Variants in SPOCK1 observed in about 807,000 individuals in gnomAD.
SPOCK1 encodes the protein SPARC (osteonectin), cwcv and kazal like domains proteoglycan 1.
A neutral mutation model predicts 55.3 loss-of-function variants in SPOCK1; 23 were observed. That is an observed-to-expected ratio of 0.42 (90% CI 0.30 to 0.59). The LOEUF is 0.59. SPOCK1 is among the 20% of genes least tolerant of loss of function. SPOCK1 has a pLI of 0.22. For synonymous variants in SPOCK1, 226 were observed against 221.0 expected, an observed-to-expected ratio of 1.02 and a Z score of -0.20; for missense variants, 499 against 552.5, an observed-to-expected ratio of 0.90 and a Z score of 0.97.
chr5:137,041,664 A>T (rs1752000727), intron 6 of SPOCK1, among the ~76,000 whole-genome samples: 1 of 152,314 alleles, frequency 6.6e-6, no homozygotes, highest in Admixed American at 6.5e-5. Flanking sequence ...GGGAACAAAC[A>T]CTTTGCCATA....
At chr5:137,109,451 C>T (rs1280676817) in intron 5 of SPOCK1, among the ~76,000 whole-genome samples, 2 of 152,162 alleles carry the variant, frequency 1.3e-5, no homozygotes, top group Non-Finnish European at 2.9e-5. Context: ...TGGCTCCTCT[C>T]TTGGTAATGA....
chr5:137,273,005 T>C (rs1434650), intron 2 of SPOCK1, among the ~76,000 whole-genome samples: 102,903 of 151,504 alleles, frequency 0.68, 35,438 homozygotes, highest in African/African-American at 0.77. Context: ...ATAGAGCAAT[T>C]CTTTGATAAA....
chr5:137,030,903 A>T (rs1035780435), intron 6 of SPOCK1, among the ~76,000 whole-genome samples: 9 of 152,138 alleles, frequency 5.9e-5, no homozygotes, highest in Non-Finnish European at 1.2e-4. Flanking sequence ...TCCTCAAAAA[A>T]CTGATTCGAG....
chr5:137,150,707 G>C (rs1754302942), intron 3 of SPOCK1, among the ~76,000 whole-genome samples: 1 of 152,120 alleles, frequency 6.6e-6, no homozygotes, highest in South Asian at 2.1e-4. Context: ...TAAGGTTGGG[G>C]CTTTCTGATC....
intron 3 of SPOCK1, among the ~76,000 whole-genome samples, chr5:137,228,674 C>A (rs1163058003): frequency 6.6e-6 from 1 of 151,822 alleles, no homozygotes; most frequent in Non-Finnish European, 1.5e-5. Context: ...ACAAAAAAAA[C>A]CTAATCATCT....
chr5:137,237,138 C>T (rs1200351714), intron 3 of SPOCK1, among the ~76,000 whole-genome samples: 1 of 152,256 alleles, frequency 6.6e-6, no homozygotes, highest in African/African-American at 2.4e-5. Flanking sequence ...GGGCAAGCAA[C>T]TGGTAATTGC....
intron 9 of SPOCK1, among the ~76,000 whole-genome samples, chr5:136,980,588 G>A (rs980664557): frequency 6.6e-6 from 1 of 152,114 alleles, no homozygotes; most frequent in Non-Finnish European, 1.5e-5. Context: ...TTTTGTAAAG[G>A]GCAGTTCCTC....
At position 137,024,000 on chromosome 5, in the gene SPOCK1, C is replaced by G. The variant is rs963190782; in HGVS notation, c.590-31400G>C. Among the ~76,000 whole-genome samples the G allele has an allele frequency of 4.4e-5, 6 of 136,198 alleles. No individual in the cohort carries two copies. The South Asian group carries it at 1.4e-3, about 33-fold the overall frequency. 89.4% of individuals were successfully genotyped at this position (136,198 alleles called of 152,430 possible). ...TTTTGCTAACTTTAACACTTGCATCCTTTGCTATTTCAGGAAGTCTGCAGA... is the reference window on the plus strand; with the variant it reads ...TTTTGCTAACTTTAACACTTGCATCGTTTGCTATTTCAGGAAGTCTGCAGA... On this transcript the variant is annotated intron_variant, in intron 6 of 10. Transcript: ENST00000394945.
intron 2 of SPOCK1, among the ~76,000 whole-genome samples, chr5:137,442,492 G>C (rs1221933946): frequency 1.3e-5 from 2 of 152,186 alleles, no homozygotes; most frequent in African/African-American, 2.4e-5. Flanking sequence ...TAACTCACAT[G>C]GTTGTGCCAA....
intron 2 of SPOCK1, among the ~76,000 whole-genome samples, chr5:137,278,862 A>G (rs771761806): frequency 6.6e-6 from 1 of 152,194 alleles, no homozygotes; most frequent in Non-Finnish European, 1.5e-5. Flanking sequence ...TCTTTAGAAC[A>G]AGAGCAATGC....
rs1215110676 is a variant in SPOCK1, at chr5:137,059,123, G to C, written c.589+8592C>G. Among the ~76,000 whole-genome samples, 5 of 90,710 alleles carry C rather than the reference G, an allele frequency of 5.5e-5. 1 individual carries two copies. Among genetic ancestry groups the C allele is most frequent in the Non-Finnish European group, 1.3e-4 (5 of 38,652 alleles). 59.5% of individuals were successfully genotyped at this position (90,710 alleles called of 152,430 possible). A position where few individuals can be genotyped will look rare whatever the true frequency, so the allele number is the denominator to read the frequency against. ...CAATTAGGAAGCTATTATAATACAAGACAAGGATGTCTTAAAGTTTGATTT... is the reference window on the plus strand; with the variant it reads ...CAATTAGGAAGCTATTATAATACAACACAAGGATGTCTTAAAGTTTGATTT... On this transcript the variant is annotated intron_variant, in intron 6 of 10. Transcript: ENST00000394945.
chr5:137,474,855 A>G (rs1486103621), intron 2 of SPOCK1, among the ~76,000 whole-genome samples: 2 of 152,224 alleles, frequency 1.3e-5, no homozygotes, highest in East Asian at 3.8e-4. Context: ...AAAAAATACT[A>G]GCAAAAAAAT....
intron 2 of SPOCK1, among the ~76,000 whole-genome samples, chr5:137,301,900 T>C (rs1757598685): frequency 6.6e-6 from 1 of 152,124 alleles, no homozygotes; most frequent in African/African-American, 2.4e-5. Flanking sequence ...ATTTAAATAC[T>C]GGGAGGATGG....
At chr5:137,227,554 T>C (rs766785380) in intron 3 of SPOCK1, among the ~76,000 whole-genome samples, 2 of 152,206 alleles carry the variant, frequency 1.3e-5, no homozygotes, top group Non-Finnish European at 2.9e-5. Flanking sequence ...CCCAACTCAC[T>C]ACCAGGCATT....
chr5:137,346,576 A>C (rs1750562292), intron 2 of SPOCK1, among the ~76,000 whole-genome samples: 1 of 152,224 alleles, frequency 6.6e-6, no homozygotes, highest in Non-Finnish European at 1.5e-5. Flanking sequence ...ATGAGGTGGC[A>C]GTTACGAAAA....
rs561619926 is a variant in SPOCK1 at position 137,409,156 on chromosome 5, AG to A, written c.186+89216del. ...CCCCTGACTCCATCCAGGAAGCACA[AG>A]ATATGGTCCCCACCTCCCCATCCTC... On this transcript the variant is annotated intron_variant, in intron 2 of 10. Transcript: ENST00000394945. Among the ~76,000 whole-genome samples the A allele has an allele frequency of 7.0e-3, 1,061 of 152,294 alleles. 5 individuals are homozygous for A. The highest frequency in any genetic ancestry group is 0.031 in the Middle Eastern group (9 of 294).
intron 6 of SPOCK1, among the ~76,000 whole-genome samples, chr5:137,041,867 G>A (rs906672757): frequency 6.6e-6 from 1 of 152,170 alleles, no homozygotes; most frequent in Non-Finnish European, 1.5e-5. Context: ...AATGCAAAAT[G>A]CTGCAGTCAC....
At chr5:137,055,505 CT>C (rs1752286265) in intron 6 of SPOCK1, among the ~76,000 whole-genome samples, 1 of 152,220 alleles carries the variant, frequency 6.6e-6, no homozygotes, top group South Asian at 2.1e-4. Flanking sequence ...CAAGTTTCCT[CT>C]TGGGCACAAT....
intron 5 of SPOCK1, among the ~76,000 whole-genome samples, chr5:137,102,677 C>G (rs1753292832): frequency 6.6e-6 from 1 of 152,140 alleles, no homozygotes; most frequent in Non-Finnish European, 1.5e-5. Flanking sequence ...TTGAGTCAGA[C>G]AGACCAGGGT....
Sources: allele counts gnomAD v4.1 joint callset (sites outside exome capture counted in the v4.1 genomes callset), GRCh38; gene constraint gnomAD v4.1.1; transcripts MANE v1.5; gene names NCBI Gene and HGNC (gene_info 2026-07-23, HGNC 2026-07-21).